The following SFSWAP variants were observed in gnomAD, a reference collection of about 807,000 sequenced individuals.
SFSWAP encodes the protein splicing factor, suppressor of white-apricot homolog.
SFSWAP carries 17 observed loss-of-function variants against 100.7 expected under a neutral mutation model. The observed-to-expected ratio is 0.17, with a 90% CI of 0.12 to 0.25. The LOEUF is 0.25. SFSWAP is among the 10% of genes least tolerant of loss of function. The pLI is 1.00. For missense variants in SFSWAP, 1,005 were observed against 1,262.6 expected, an observed-to-expected ratio of 0.80 and a Z score of 3.09; for synonymous variants, 504 against 510.1, an observed-to-expected ratio of 0.99 and a Z score of 0.16.
At position 131,714,049 on chromosome 12, in the gene SFSWAP, G is replaced by T; in HGVS notation, c.219-22G>T. On this transcript the variant is annotated intron_variant, in intron 1 of 17. Transcript: ENST00000261674. The surrounding 1 kb of genome is among the most constrained non-coding windows in gnomAD (Gnocchi z 6.0). Reference sequence around the variant, plus strand: ...GTCTAGACGTTAATTTCCTTTTATTGACCAGCTTGTTCACATTACAGATAT... The same window carrying T: ...GTCTAGACGTTAATTTCCTTTTATTTACCAGCTTGTTCACATTACAGATAT... 6.2e-7 allele frequency: 1 copy of T among 1,601,356 alleles called. No individual in the cohort carries two copies. The highest frequency in any genetic ancestry group is 8.5e-7 in the Non-Finnish European group (1 of 1,171,330).
rs376181380 is a variant in SFSWAP at position 131,730,680 on chromosome 12, C to T, written c.1081+2252C>T. On this transcript the variant is annotated intron_variant, in intron 7 of 17. Transcript: ENST00000261674. The surrounding 1 kb of genome is among the most constrained non-coding windows in gnomAD (Gnocchi z 4.0). ...GTTTCTTCCCACCTGCTGATGGCTC[C>T]CGAGACCACTGATAAGCCGTGACAG... is the stretch of plus-strand genomic sequence containing the variant. 6.6e-6 allele frequency among the ~76,000 whole-genome samples: 1 copy of T among 152,146 alleles called. No individual in the cohort carries two copies. Among genetic ancestry groups the T allele is most frequent in the Non-Finnish European group, 1.5e-5 (1 of 68,032 alleles).
chr12:131,739,467 G>C (rs958080276), intron 7 of SFSWAP, among the ~76,000 whole-genome samples: 2 of 143,914 alleles, frequency 1.4e-5, no homozygotes, highest in Non-Finnish European at 1.5e-5. Flanking sequence ...TTCCTTTAAA[G>C]TATAGAAATA....
At chr12:131,770,186 C>T (rs1318180608) in intron 13 of SFSWAP, among the ~76,000 whole-genome samples, 1 of 152,226 alleles carries the variant, frequency 6.6e-6, no homozygotes, top group Non-Finnish European at 1.5e-5. Flanking sequence ...AGTATTCTAG[C>T]ATCTGCTTTA....
chr12:131,716,951 A>G (rs1176619784), intron 3 of SFSWAP, among the ~76,000 whole-genome samples: 3 of 152,186 alleles, frequency 2.0e-5, no homozygotes, highest in Non-Finnish European at 1.5e-5. Context: ...TCTCTTTAGT[A>G]TTTTACAATG....
rs1032745845 is a variant in SFSWAP, at chr12:131,794,756, T to C, written c.2535-2422T>C. On this transcript the variant is annotated intron_variant, in intron 15 of 17. Coordinates refer to ENST00000261674, the MANE Select transcript of SFSWAP (RefSeq NM_004592.4). The surrounding 1 kb of genome is among the most constrained non-coding windows in gnomAD (Gnocchi z 4.8). ...GCCCAGGTGTCAGGGTGTGCGCACT[T>C]GCCAAGCTCAGCGGCAGCACCGAGG... 7.9e-5 allele frequency among the ~76,000 whole-genome samples: 12 copies of C among 152,150 alleles called. No homozygotes were observed. Among genetic ancestry groups the C allele is most frequent in the African/African-American group, 2.9e-4 (12 of 41,444 alleles).
Position 131,714,377 on chromosome 12 carries a change from G to A in SFSWAP, c.388+137G>A, listed in dbSNP as rs1032215889. 5 of 722,344 alleles carry A rather than the reference G, an allele frequency of 6.9e-6. No individual in the cohort carries two copies. The highest frequency in any genetic ancestry group is 1.1e-5 in the Non-Finnish European group (5 of 455,634). The allele number at this position is 722,344 out of a possible 1,614,324, so 44.7% of individuals were successfully genotyped here. ...CAGTACCCAGTGGATTGGAAAAACA[G>A]GAGTCTTTGCGTTCTGAGAGGACCT... On this transcript the variant is annotated intron_variant, in intron 2 of 17. Transcript: ENST00000261674. The surrounding 1 kb of genome is among the most constrained non-coding windows in gnomAD (Gnocchi z 6.0).
intron 10 of SFSWAP, among the ~76,000 whole-genome samples, chr12:131,755,768 A>G (rs932707968): frequency 4.6e-5 from 7 of 152,240 alleles, no homozygotes; most frequent in Non-Finnish European, 8.8e-5. Context: ...TTGGCCGTCT[A>G]CAGTTACTAG....
chr12:131,765,478 A>T (rs1475725388), intron 12 of SFSWAP, among the ~76,000 whole-genome samples: 1 of 152,088 alleles, frequency 6.6e-6, no homozygotes. Context: ...GTGAGACCCC[A>T]TCTCTACTGA....
At chr12:131,756,205 G>T (rs1029855460) in intron 10 of SFSWAP, among the ~76,000 whole-genome samples, 1 of 152,228 alleles carries the variant, frequency 6.6e-6, no homozygotes, top group Admixed American at 6.5e-5. Context: ...CCAAAGAAAA[G>T]ATACTGAAAA....
chr12:131,799,530 T>A lies in SFSWAP; in HGVS notation c.*42T>A, dbSNP rs773051126. The A allele has an allele frequency of 1.9e-6, 3 of 1,585,442 alleles. No individual in the cohort carries two copies. In the South Asian group the frequency reaches 3.3e-5, roughly 18 times the overall value. On this transcript the variant is annotated 3_prime_UTR_variant, in exon 18 of 18. Transcript: ENST00000261674. ...GCAGAGCCGGGAGGCTGCGTGGGCT[T>A]CTGGGCAGGCTCACGCAGACGCCGG...
Position 131,728,463 on chromosome 12 carries a change from C to G in SFSWAP, c.1081+35C>G, listed in dbSNP as rs764404750. The G allele has an allele frequency of 1.9e-6, 3 of 1,599,566 alleles. No individual in the cohort carries two copies. In the African/African-American group the frequency reaches 4.0e-5, roughly 21 times the overall value. ...CACTGTGTATGTCCTGACCTGTGTT[C>G]AGCTGCCTGTGACAGAGCCAGCTAC... On this transcript the variant is annotated intron_variant, in intron 7 of 17. Coordinates refer to ENST00000261674, the MANE Select transcript of SFSWAP (RefSeq NM_004592.4).
chr12:131,718,875 G>T (rs766882029), intron 3 of SFSWAP, among the ~76,000 whole-genome samples: 4 of 152,204 alleles, frequency 2.6e-5, no homozygotes, highest in Non-Finnish European at 5.9e-5. Flanking sequence ...GCCCCACTTG[G>T]CCCTGGGAGT....
At position 131,753,243 on chromosome 12, in the gene SFSWAP, C is replaced by T. The variant is rs376889389; in HGVS notation, c.1202C>T (p.Thr401Ile). 6.2e-7 allele frequency: 1 copy of T among 1,614,226 alleles called. No homozygotes were observed. The highest frequency in any genetic ancestry group is 1.7e-5 in the Admixed American group (1 of 60,024). Residue 401 changes from threonine (T) to isoleucine (I), a missense_variant, in exon 8 of 18, where the codon ACC becomes ATC. Thr to Ile is a moderately conservative substitution (Grantham distance 89). This residue lies in a region of SFSWAP where 311 missense variants were observed against 317.8 expected (regional missense o/e 0.98). Coordinates refer to ENST00000261674, the MANE Select transcript of SFSWAP (RefSeq NM_004592.4). ...TACAGCACCCTTCCTGCTGGCGTGA[C>T]CGTGTCTAACTCCCCTGGAGTGACG... Reference protein sequence around the residue: ...TYYSTLPAGVTVSNSPGVTTT... With the variant: ...TYYSTLPAGVIVSNSPGVTTT...
At chr12:131,749,102 G>T (rs1249307488) in intron 7 of SFSWAP, among the ~76,000 whole-genome samples, 1 of 152,188 alleles carries the variant, frequency 6.6e-6, no homozygotes, top group African/African-American at 2.4e-5. Context: ...AATAGGCTTC[G>T]TGTTAGATGA....
chr12:131,791,940 T>G (rs1176150111), intron 15 of SFSWAP, among the ~76,000 whole-genome samples: 1 of 150,906 alleles, frequency 6.6e-6, no homozygotes, highest in Non-Finnish European at 1.5e-5. Context: ...TGTTCACGGA[T>G]CAGTACTGTG....
At chr12:131,712,729 C>T (rs1943973844) in intron 1 of SFSWAP, 1 of 152,224 alleles carries the variant, frequency 6.6e-6, no homozygotes, top group African/African-American at 2.4e-5. Flanking sequence ...GTGCTGTGCT[C>T]AAGCGTGCTG....
chr12:131,732,199 G>A (rs112825274), intron 7 of SFSWAP, among the ~76,000 whole-genome samples: 2,070 of 152,094 alleles, frequency 0.014, 44 homozygotes, highest in African/African-American at 0.045. Context: ...CTGAGCCACC[G>A]CACCCAGCCG....
intron 3 of SFSWAP, among the ~76,000 whole-genome samples, chr12:131,716,007 A>C (rs971407762): frequency 6.6e-6 from 1 of 152,222 alleles, no homozygotes; most frequent in African/African-American, 2.4e-5. Flanking sequence ...GCCAAGTGAC[A>C]CATCTTTTAA....
At chr12:131,752,392 G>A (rs541231076) in intron 7 of SFSWAP, among the ~76,000 whole-genome samples, 1 of 152,282 alleles carries the variant, frequency 6.6e-6, no homozygotes, top group African/African-American at 2.4e-5. Context: ...CCCCAAAAAG[G>A]ATAAATGTAC....
Sources: gnomAD v4.1 joint callset for allele counts (sites outside exome capture counted in the v4.1 genomes callset) on GRCh38, gnomAD v4.1.1 for gene constraint, gnomAD v4.1.1 regional missense constraint, Gnocchi (gnomAD v3.1) non-coding constraint, MANE v1.5 for transcripts, NCBI Gene and HGNC (gene_info 2026-07-23, HGNC 2026-07-21) for gene names.